ERI1: variants seen among roughly 807,000 people sequenced by gnomAD.
The protein encoded by ERI1 is exoribonuclease 1.
In ERI1, 39 loss-of-function variants were observed where a neutral mutation model predicts 39.7. The observed-to-expected ratio is 0.98, with a 90% confidence interval of 0.76 to 1.28. The LOEUF (loss-of-function observed/expected upper bound fraction) is 1.28, where lower values mean the gene tolerates loss of function less well. Among genes scored for constraint, ERI1 ranks in the 50% most tolerant of loss-of-function variants. The pLI is 0.00. For missense variants in ERI1, 581 were observed against 416.9 expected, an observed-to-expected ratio of 1.39 and a Z score of -3.43; for synonymous variants, 204 against 149.6, an observed-to-expected ratio of 1.36 and a Z score of -2.65.
At chr8:9,036,123 T>C (rs181691814), downstream of ERI1, among the ~76,000 whole-genome samples, 1 of 152,352 alleles carries the variant, frequency 6.6e-6, no homozygotes, top group African/African-American at 2.4e-5. Context: ...GAAGATGCTG[T>C]AAACATTCTT....
intron 3 of ERI1, among the ~76,000 whole-genome samples, chr8:9,070,126 C>A (rs913134219): frequency 3.3e-5 from 5 of 151,960 alleles, no homozygotes; most frequent in African/African-American, 1.2e-4. Context: ...GTAATCCCAG[C>A]TACTCTGGAG....
chr8:9,022,650 T>G (rs1201382316), intron 6 of ERI1, among the ~76,000 whole-genome samples: 1 of 152,218 alleles, frequency 6.6e-6, no homozygotes, highest in Non-Finnish European at 1.5e-5. Context: ...TCTGCCCGCC[T>G]CGGCCTCCCA....
intron 3 of ERI1, among the ~76,000 whole-genome samples, chr8:9,098,800 T>C (rs1563104884): frequency 6.6e-6 from 1 of 152,086 alleles, no homozygotes; most frequent in Admixed American, 6.5e-5. Context: ...TTACAGCAAA[T>C]TGCACATATT....
intron 3 of ERI1, among the ~76,000 whole-genome samples, chr8:9,064,289 T>G: frequency 1.3e-5 from 2 of 149,354 alleles, no homozygotes; most frequent in African/African-American, 2.5e-5. Context: ...GGTGGAGACA[T>G]GGAGAGAAGG....
At position 9,003,239 on chromosome 8, in the gene ERI1, C is replaced by G. The variant is rs796789334; in HGVS notation, c.108+68C>G. The stretch of plus-strand genomic sequence containing the variant: ...CGTCCCCAAAGCGCCCTCGGCACCC[C>G]TTTCTTCTCAGGTGTCCCGCAGAAG... On this transcript the variant is annotated intron_variant, in intron 1 of 6. Coordinates refer to ENST00000250263, the MANE Select transcript of ERI1 (RefSeq NM_153332.4). 1.1e-5 allele frequency: 11 copies of G among 988,972 alleles called. 1 individual carries two copies. The African/African-American group carries it at 1.8e-4, about 16-fold the overall frequency. 61.3% of individuals were successfully genotyped at this position (988,972 alleles called of 1,614,324 possible). A position where few individuals can be genotyped will look rare whatever the true frequency, so the allele number is the denominator to read the frequency against.
chr8:9,083,940 C>T (rs888645616), intron 3 of ERI1, among the ~76,000 whole-genome samples: 7 of 152,082 alleles, frequency 4.6e-5, no homozygotes, highest in African/African-American at 1.7e-4. Flanking sequence ...ACTATAGGCA[C>T]CTGCCACCAT....
intron 3 of ERI1, among the ~76,000 whole-genome samples, chr8:9,081,244 A>G (rs1255106281): frequency 6.6e-6 from 1 of 152,216 alleles, no homozygotes; most frequent in Non-Finnish European, 1.5e-5. Context: ...GGGGATTACA[A>G]TTTGTGATGA....
At chr8:9,027,746 C>T (rs1277092603) in intron 6 of ERI1, among the ~76,000 whole-genome samples, 1 of 152,092 alleles carries the variant, frequency 6.6e-6, no homozygotes, top group Non-Finnish European at 1.5e-5. Flanking sequence ...TTGTTTTTTC[C>T]CCATTGATTC....
At chr8:9,072,197 C>T (rs1270479283) in intron 3 of ERI1, among the ~76,000 whole-genome samples, 2 of 152,186 alleles carry the variant, frequency 1.3e-5, no homozygotes, top group Non-Finnish European at 2.9e-5. Context: ...TTTGGGTGAT[C>T]AGTGTCCTTT....
rs1204908350 is a variant in ERI1 at position 9,005,646 on chromosome 8, C to CT, written c.109-2323dup. Reference sequence around the variant, plus strand: ...TCTCCTGCCTCAGCCTCCTGAGTAGCTGGGACTACAGGCGCCCGCCCGGCT... The same window carrying CT: ...TCTCCTGCCTCAGCCTCCTGAGTAGCTTGGGACTACAGGCGCCCGCCCGGCT... On this transcript the variant is annotated intron_variant, in intron 1 of 6. Coordinates refer to ENST00000250263, the MANE Select transcript of ERI1 (RefSeq NM_153332.4). Among the ~76,000 whole-genome samples the CT allele has an allele frequency of 4.6e-5, 7 of 151,368 alleles. No homozygotes were observed. The East Asian group carries it at 1.4e-3, about 29-fold the overall frequency.
chr8:9,017,102 C>T (rs929521452), intron 4 of ERI1, among the ~76,000 whole-genome samples: 1 of 151,236 alleles, frequency 6.6e-6, no homozygotes, highest in African/African-American at 2.4e-5. Context: ...TGCAGTGGCA[C>T]GATCTTGGCT....
chr8:9,038,317 C>T (rs753178790), downstream of ERI1, among the ~76,000 whole-genome samples: 29 of 152,150 alleles, frequency 1.9e-4, 1 homozygote, highest in Admixed American at 2.0e-4. Context: ...ACCCAAGGTG[C>T]AGTAACAAGA....
At chr8:9,070,452 A>G (rs901350692) in intron 3 of ERI1, among the ~76,000 whole-genome samples, 1 of 152,170 alleles carries the variant, frequency 6.6e-6, no homozygotes, top group South Asian at 2.1e-4. Flanking sequence ...CCCACCACTG[A>G]ACTCCAGCCT....
intron 3 of ERI1, among the ~76,000 whole-genome samples, chr8:9,045,674 G>A (rs1379155214): frequency 6.9e-6 from 1 of 144,534 alleles, no homozygotes; most frequent in Non-Finnish European, 1.5e-5. Context: ...AGAATCTATA[G>A]AATTTTTTTT....
chr8:9,080,342 C>T (rs1221398100), intron 3 of ERI1, among the ~76,000 whole-genome samples: 1 of 152,216 alleles, frequency 6.6e-6, no homozygotes, highest in Non-Finnish European at 1.5e-5. Flanking sequence ...CTAGGAGCCT[C>T]TGTTGTCCAT....
intron 3 of ERI1, among the ~76,000 whole-genome samples, chr8:9,094,583 A>G (rs1392782862): frequency 1.3e-5 from 2 of 152,142 alleles, no homozygotes; most frequent in African/African-American, 2.4e-5. Context: ...CAGCAACCCA[A>G]CTGCTCAGAA....
chr8:9,097,632 G>A (rs1239188206), intron 3 of ERI1, among the ~76,000 whole-genome samples: 1 of 143,926 alleles, frequency 6.9e-6, no homozygotes, highest in East Asian at 2.0e-4. Flanking sequence ...TTGTGCCACT[G>A]CACTCCAGCC....
intron 3 of ERI1, among the ~76,000 whole-genome samples, 172 bp downstream of exon 3, chr8:9,011,924 A>G (rs146667938): frequency 1.9e-3 from 296 of 152,334 alleles, no homozygotes; most frequent in African/African-American, 6.9e-3. Context: ...GTAACAAAGC[A>G]ATTTTAGAGA....
Position 9,059,704 on chromosome 8 carries a change from ATTAT to A in ERI1, n.299+39248_299+39251del, listed in dbSNP as rs1429512528. Among the ~76,000 whole-genome samples the A allele has an allele frequency of 3.3e-5, 5 of 152,250 alleles. No individual in the cohort carries two copies. The East Asian group carries it at 9.7e-4, about 29-fold the overall frequency. ...GTTCAGCATAGCCTTGCCAGCAAAGATTATTTATTTACTTTAAGAGTTAAGAGTG... is the reference window on the plus strand; with the variant it reads ...GTTCAGCATAGCCTTGCCAGCAAAGATTATTTACTTTAAGAGTTAAGAGTG... On this transcript the variant is annotated intron_variant and non_coding_transcript_variant, in intron 3 of 3. Coordinates refer to the ERI1 transcript ENST00000518663.
Sources: allele counts gnomAD v4.1 joint callset (sites outside exome capture counted in the v4.1 genomes callset), GRCh38; gene constraint gnomAD v4.1.1; transcripts MANE v1.5; gene names NCBI Gene and HGNC (gene_info 2026-07-23, HGNC 2026-07-21).